The following RHOF variants were observed in gnomAD, a reference collection of about 807,000 sequenced individuals.
RHOF encodes rho-related GTP-binding protein RhoF.
In RHOF, 21 loss-of-function variants were observed where a neutral mutation model predicts 22.2. The ratio of observed to expected loss-of-function variants is 0.95; its 90% CI spans 0.67 to 1.36. The LOEUF is 1.36. Among genes scored for constraint, RHOF ranks in the 40% most tolerant of loss-of-function variants. RHOF has a pLI of 0.00. For synonymous variants in RHOF, 135 were observed against 131.2 expected, an observed-to-expected ratio of 1.03 and a Z score of -0.20; for missense variants, 285 against 293.7, an observed-to-expected ratio of 0.97 and a Z score of 0.22.
At chr12:121,788,465 G>A (rs904836432) in intron 2 of RHOF, among the ~76,000 whole-genome samples, 1 of 152,110 alleles carries the variant, frequency 6.6e-6, no homozygotes, top group African/African-American at 2.4e-5. Context: ...TGGGCCTTTG[G>A]GGCGTGGGGG....
intron 2 of RHOF, among the ~76,000 whole-genome samples, chr12:121,790,419 C>G (rs544070967): frequency 6.6e-6 from 1 of 152,396 alleles, no homozygotes; most frequent in East Asian, 1.9e-4. Flanking sequence ...ACGTGGCCGC[C>G]TGGCCATGGC....
In RHOF at chr12:121,779,454, C is replaced by T. The variant is rs1040558023; in HGVS notation, c.*44G>A. 6.3e-7 allele frequency: 1 copy of T among 1,597,190 alleles called. No individual in the cohort carries two copies. Among genetic ancestry groups the T allele is most frequent in the African/African-American group, 1.3e-5 (1 of 74,584 alleles). The stretch of plus-strand genomic sequence containing the variant: ...TCCCTGGTGCAATCGGCACCTGGGC[C>T]CCCGGGCCCTGTCAGTGCTGTCGTG... On this transcript the variant is annotated 3_prime_UTR_variant, in exon 5 of 5. Coordinates refer to ENST00000267205, the MANE Select transcript of RHOF (RefSeq NM_019034.3).
chr12:121,791,410 G>A (rs1474395302), intron 2 of RHOF, among the ~76,000 whole-genome samples: 1 of 152,136 alleles, frequency 6.6e-6, no homozygotes, highest in Non-Finnish European at 1.5e-5. Context: ...TCAGGAAACT[G>A]AGGCCCAGAC....
intron 2 of RHOF, among the ~76,000 whole-genome samples, chr12:121,792,170 T>C (rs539229215): frequency 2.8e-5 from 4 of 144,540 alleles, no homozygotes; most frequent in African/African-American, 1.1e-4. Flanking sequence ...TGGAGGTGTC[T>C]GGATTTTGGC....
chr12:121,793,075 C>T, intron 2 of RHOF, 77 bp downstream of exon 2: 1 of 1,268,000 alleles, frequency 7.9e-7, no homozygotes. Flanking sequence ...GCGGGGACAC[C>T]CAGTGGGGGA....
At chr12:121,791,240 C>T (rs1011399405) in intron 2 of RHOF, among the ~76,000 whole-genome samples, 3 of 152,174 alleles carry the variant, frequency 2.0e-5, no homozygotes, top group African/African-American at 7.2e-5. Flanking sequence ...ATTCTCCTGC[C>T]TCAGCCTCCC....
At chr12:121,786,794 T>C (rs781689531) in intron 2 of RHOF, among the ~76,000 whole-genome samples, 3 of 152,160 alleles carry the variant, frequency 2.0e-5, no homozygotes, top group Non-Finnish European at 2.9e-5. Context: ...CCCAGCACTT[T>C]TGGAGGCTGA....
Position 121,779,510 on chromosome 12 carries a change from G to T in RHOF, c.624C>A (p.Cys208Ter). The change falls in exon 5 of 5, where the codon TGC becomes TGA. Residue 208 changes from cysteine (C) to a stop codon, truncating the protein, a stop_gained. Coordinates refer to ENST00000267205, the MANE Select transcript of RHOF (RefSeq NM_019034.3). LOFTEE classifies it high-confidence loss of function. ...TGTCTGCCCTGGGTCAGAGCAGCAG[G>T]CAGAGCCGGCGCTTCTTCTGCCGTT... is the stretch of plus-strand genomic sequence containing the variant. ...KAQRQKKRRLCLLL is the reference protein window; with the variant it reads ...KAQRQKKRRL 3.1e-6 allele frequency: 5 copies of T among 1,612,136 alleles called. No homozygotes were observed. Among genetic ancestry groups the T allele is most frequent in the Non-Finnish European group, 4.2e-6 (5 of 1,180,006 alleles).
rs932011868 is a variant in RHOF, at chr12:121,793,448, G to C, written c.138+48C>G. 2.6e-5 allele frequency: 40 copies of C among 1,534,536 alleles called. No individual in the cohort carries two copies. In the African/African-American group the frequency reaches 4.7e-4, roughly 18 times the overall value. ...CTGAGGGTCGGGGCTCTGGGCTCAG[G>C]GTAAGGGGCGTCCCTCGCCCCCACC... On this transcript the variant is annotated intron_variant, in intron 1 of 4. Transcript: ENST00000267205.
chr12:121,790,541 C>G (rs191497901), intron 2 of RHOF, among the ~76,000 whole-genome samples: 46 of 152,364 alleles, frequency 3.0e-4, no homozygotes, highest in Middle Eastern at 6.8e-3. Flanking sequence ...TGCTCCATGA[C>G]AAGCACTGGG....
At chr12:121,784,090 C>A (rs774165005) in intron 2 of RHOF, among the ~76,000 whole-genome samples, 2 of 152,172 alleles carry the variant, frequency 1.3e-5, no homozygotes, top group African/African-American at 2.4e-5. Context: ...TCCCTCATTT[C>A]TCTTTTCACC....
chr12:121,780,664 G>T (rs1460601680), intron 4 of RHOF: 3 of 618,652 alleles, frequency 4.8e-6, no homozygotes, highest in Non-Finnish European at 8.3e-6. Flanking sequence ...GATGTGAACA[G>T]CGCCTGCCTC....
intron 2 of RHOF, among the ~76,000 whole-genome samples, chr12:121,789,253 A>AT (rs1269382172): frequency 6.6e-6 from 1 of 151,640 alleles, no homozygotes; most frequent in Non-Finnish European, 1.5e-5. Context: ...CCTCAAAAAA[A>AT]AACCCAGGAA....
chr12:121,791,434 C>A (rs779653893), intron 2 of RHOF, among the ~76,000 whole-genome samples: 3 of 152,160 alleles, frequency 2.0e-5, no homozygotes, highest in African/African-American at 7.2e-5. Context: ...CCCAATGATA[C>A]GTAGCCAATA....
intron 2 of RHOF, among the ~76,000 whole-genome samples, chr12:121,784,836 T>C (rs1027457255): frequency 6.6e-6 from 1 of 152,196 alleles, no homozygotes; most frequent in Non-Finnish European, 1.5e-5. Context: ...CATAACTTAT[T>C]CCCTTTTACA....
chr12:121,787,911 G>C (rs11043199), intron 2 of RHOF, among the ~76,000 whole-genome samples: 5,505 of 23,840 alleles, frequency 0.23, 226 homozygotes, highest in South Asian at 0.45. Flanking sequence ...AAAAAAAAAG[G>C]GGGGGGGGGC....
intron 4 of RHOF, 79 bp from the exon 5 acceptor site, chr12:121,779,741 C>A: frequency 1.4e-6 from 2 of 1,460,950 alleles, no homozygotes; most frequent in Non-Finnish European, 9.4e-7. Context: ...TTGGGACTGG[C>A]TCTGAGGACT....
chr12:121,793,118 A>T, intron 2 of RHOF, 34 bp downstream of exon 2: 7 of 1,530,476 alleles, frequency 4.6e-6, no homozygotes, highest in Non-Finnish European at 5.3e-6. Context: ...GGGCGGGCGG[A>T]CCCTCGGGCC....
chr12:121,779,366 T>G lies in RHOF; in HGVS notation c.*132A>C, dbSNP rs1486712313. On this transcript the variant is annotated 3_prime_UTR_variant, in exon 5 of 5. Coordinates refer to ENST00000267205, the MANE Select transcript of RHOF (RefSeq NM_019034.3). ...GCCAGGAAAGGAGAGAGTTCCAGAATGTTCCAAGAGTCTAGCCGCAGGCCC... is the reference window on the plus strand; with the variant it reads ...GCCAGGAAAGGAGAGAGTTCCAGAAGGTTCCAAGAGTCTAGCCGCAGGCCC... 2 of 937,908 alleles carry G rather than the reference T, an allele frequency of 2.1e-6. No homozygotes were observed. The highest frequency in any genetic ancestry group is 3.1e-6 in the Non-Finnish European group (2 of 639,828). 58.1% of individuals were successfully genotyped at this position (937,908 alleles called of 1,614,324 possible). A position where few individuals can be genotyped will look rare whatever the true frequency, so the allele number is the denominator to read the frequency against.
Sources: allele counts gnomAD v4.1 joint callset (sites outside exome capture counted in the v4.1 genomes callset), GRCh38; gene constraint gnomAD v4.1.1; transcripts MANE v1.5; gene names NCBI Gene and HGNC (gene_info 2026-07-23, HGNC 2026-07-21).